The following BABAM2 variants were observed in gnomAD, a reference collection of about 807,000 sequenced individuals.
The protein encoded by BABAM2 is BRISC and BRCA1 A complex member 2, also known as BRISC and BRCA1-A complex member 2.
Under a neutral mutation model 54.7 loss-of-function variants are expected in BABAM2, and 31 were observed. That is an observed-to-expected ratio of 0.57 (90% CI 0.43 to 0.77). The LOEUF (loss-of-function observed/expected upper bound fraction) is 0.77, where lower values mean the gene tolerates loss of function less well. BABAM2 is among the 30% of genes least tolerant of loss of function. The pLI is 0.00. For synonymous variants in BABAM2, 167 were observed against 162.9 expected (o/e 1.03, Z -0.19); for missense variants, 364 against 455.8 (o/e 0.80, Z 1.83).
intron 7 of BABAM2, among the ~76,000 whole-genome samples, chr2:28,157,713 G>A (rs756306328): frequency 6.6e-5 from 10 of 152,214 alleles, no homozygotes; most frequent in Admixed American, 1.3e-4. Flanking sequence ...CTTGGTTCAA[G>A]CTATTCTTTT....
intron 9 of BABAM2, among the ~76,000 whole-genome samples, chr2:28,241,643 G>T (rs1159801512): frequency 6.6e-6 from 1 of 151,904 alleles, no homozygotes; most frequent in African/African-American, 2.4e-5. Context: ...TATAGGCATG[G>T]GCCACCACAC....
chr2:27,940,326 A>G (rs1403634402), intron 3 of BABAM2, among the ~76,000 whole-genome samples: 1 of 152,214 alleles, frequency 6.6e-6, no homozygotes, highest in Non-Finnish European at 1.5e-5. Flanking sequence ...CTCTAGAAGA[A>G]ATTATTCCAT....
At chr2:28,269,474 ATAGT>A (rs1685240254) in intron 10 of BABAM2, among the ~76,000 whole-genome samples, 1 of 152,216 alleles carries the variant, frequency 6.6e-6, no homozygotes, top group South Asian at 2.1e-4. Flanking sequence ...TGCAACCCAG[ATAGT>A]TAGCTCAGCA....
chr2:28,136,480 C>T (rs1303910726), intron 7 of BABAM2, among the ~76,000 whole-genome samples: 2 of 152,252 alleles, frequency 1.3e-5, no homozygotes, highest in Non-Finnish European at 2.9e-5. Context: ...ACAGGTCTGG[C>T]TGGAGAGGCA....
intron 11 of BABAM2, among the ~76,000 whole-genome samples, chr2:28,306,011 T>C (rs1372161565): frequency 6.6e-6 from 1 of 152,190 alleles, no homozygotes; most frequent in Non-Finnish European, 1.5e-5. Flanking sequence ...TTGTGCTTCT[T>C]GAATTTCAAG....
At chr2:28,003,856 G>A (rs1328905630) in intron 4 of BABAM2, among the ~76,000 whole-genome samples, 1 of 152,066 alleles carries the variant, frequency 6.6e-6, no homozygotes, top group Non-Finnish European at 1.5e-5. Flanking sequence ...AATGACCAAG[G>A]ACAACATATA....
intron 7 of BABAM2, among the ~76,000 whole-genome samples, chr2:28,161,802 T>G (rs959464366): frequency 1.3e-5 from 2 of 151,952 alleles, no homozygotes; most frequent in Admixed American, 1.3e-4. Flanking sequence ...GCAGCTAATT[T>G]AATCACTCAT....
chr2:28,270,561 A>G (rs1025687685), intron 10 of BABAM2, among the ~76,000 whole-genome samples: 2 of 152,204 alleles, frequency 1.3e-5, no homozygotes, highest in African/African-American at 4.8e-5. Flanking sequence ...TGCTGCTGCT[A>G]TTGGTCGTGT....
chr2:28,025,398 A>G lies in BABAM2; in HGVS notation c.473A>G (p.Tyr158Cys), dbSNP rs779822711. The change falls in exon 5 of 12, where the codon TAT becomes TGT. Residue 158 changes from tyrosine (Y) to cysteine (C), a missense_variant. Coordinates refer to ENST00000379624, the MANE Select transcript of BABAM2 (RefSeq NM_199191.3). Reference protein sequence around the residue: ...EPQYGENMEIYAGKKNNWTGE... With the variant: ...EPQYGENMEICAGKKNNWTGE... The stretch of plus-strand genomic sequence containing the variant: ...CAGTATGGAGAGAACATGGAAATTT[A>G]TGCTGGGAAAAAAAACAACTGGGTA... 1.3e-6 allele frequency: 2 copies of G among 1,568,530 alleles called. No individual in the cohort carries two copies. Among genetic ancestry groups the G allele is most frequent in the South Asian group, 1.2e-5 (1 of 83,854 alleles).
At chr2:27,941,293 G>C (rs1308685679) in intron 3 of BABAM2, among the ~76,000 whole-genome samples, 1 of 152,108 alleles carries the variant, frequency 6.6e-6, no homozygotes, top group East Asian at 1.9e-4. Context: ...AGCCAGGCGC[G>C]GTGGCTCACG....
chr2:28,004,654 A>C (rs989182349), intron 4 of BABAM2, among the ~76,000 whole-genome samples: 9 of 152,194 alleles, frequency 5.9e-5, no homozygotes, highest in African/African-American at 2.2e-4. Context: ...ACTAATTGAC[A>C]TAACAATTAC....
chr2:28,067,006 G>C (rs1663652019), intron 6 of BABAM2, among the ~76,000 whole-genome samples: 1 of 152,154 alleles, frequency 6.6e-6, no homozygotes, highest in Non-Finnish European at 1.5e-5. Flanking sequence ...GGAGTGCAAT[G>C]GTGCAATCTC....
intron 6 of BABAM2, among the ~76,000 whole-genome samples, chr2:28,111,938 A>G (rs1423451043): frequency 6.6e-6 from 1 of 152,080 alleles, no homozygotes; most frequent in African/African-American, 2.4e-5. Flanking sequence ...GATGTTCTGA[A>G]AACCGGAAGA....
intron 10 of BABAM2, among the ~76,000 whole-genome samples, chr2:28,252,721 AAATCACTTGCAC>A (rs1683611790): frequency 6.6e-6 from 1 of 152,228 alleles, no homozygotes; most frequent in Non-Finnish European, 1.5e-5. Flanking sequence ...AGAAGGTTGT[AAATCACTTGCAC>A]AATCATGCAA....
chr2:28,068,814 G>A (rs1663862197), intron 6 of BABAM2, among the ~76,000 whole-genome samples: 1 of 152,046 alleles, frequency 6.6e-6, no homozygotes, highest in Admixed American at 6.6e-5. Flanking sequence ...AGTTTTTAGT[G>A]AATAGCAACC....
intron 7 of BABAM2, among the ~76,000 whole-genome samples, chr2:28,201,286 A>G (rs1678243625): frequency 6.6e-6 from 1 of 152,164 alleles, no homozygotes; most frequent in Admixed American, 6.5e-5. Context: ...ATGAATATGA[A>G]TTTCATTTTC....
intron 10 of BABAM2, among the ~76,000 whole-genome samples, chr2:28,298,088 A>C (rs1280046888): frequency 6.6e-6 from 1 of 152,182 alleles, no homozygotes; most frequent in African/African-American, 2.4e-5. Context: ...CAGCACCTAC[A>C]CATCATGCCT....
chr2:28,038,366 G>T (rs901657641), intron 5 of BABAM2, among the ~76,000 whole-genome samples: 1 of 152,172 alleles, frequency 6.6e-6, no homozygotes, highest in East Asian at 1.9e-4. Flanking sequence ...TTTATCACAG[G>T]TTATAATTTA....
chr2:28,051,743 G>A (rs560022044), intron 6 of BABAM2, among the ~76,000 whole-genome samples: 1 of 152,138 alleles, frequency 6.6e-6, no homozygotes, highest in African/African-American at 2.4e-5. Context: ...CCACCTCCCA[G>A]GTTCAAGCAA....
Sources: allele counts gnomAD v4.1 joint callset (sites outside exome capture counted in the v4.1 genomes callset), GRCh38; gene constraint gnomAD v4.1.1; transcripts MANE v1.5; gene names NCBI Gene and HGNC (gene_info 2026-07-23, HGNC 2026-07-21).